GLP2R: variants seen among roughly 807,000 people sequenced by gnomAD.
GLP2R encodes the protein glucagon like peptide 2 receptor.
Under a neutral mutation model 68.2 loss-of-function variants are expected in GLP2R, and 59 were observed. That is an observed-to-expected ratio of 0.87 (90% CI 0.70 to 1.07). The LOEUF (loss-of-function observed/expected upper bound fraction) is 1.07. Among genes scored for constraint, GLP2R ranks in the 50% least tolerant of loss-of-function variants. The pLI is 0.00. For synonymous variants in GLP2R, 270 were observed against 265.4 expected, an observed-to-expected ratio of 1.02 and a Z score of -0.17; for missense variants, 548 against 677.4, an observed-to-expected ratio of 0.81 and a Z score of 2.12.
chr17:9,832,399 CCT>C (rs2066688723), intron 1 of GLP2R, among the ~76,000 whole-genome samples: 1 of 152,092 alleles, frequency 6.6e-6, no homozygotes, highest in Non-Finnish European at 1.5e-5. Flanking sequence ...GTGGTGAAAC[CCT>C]GTCTCTACTA....
In GLP2R at chr17:9,889,682, A is replaced by T; in HGVS notation, c.1639A>T (p.Ile547Phe). 6.3e-7 allele frequency: 1 copy of T among 1,580,886 alleles called. No homozygotes were observed. Among genetic ancestry groups the T allele is most frequent in the Non-Finnish European group, 8.6e-7 (1 of 1,160,236 alleles). Residue 547 changes from isoleucine (I) to phenylalanine (F), a missense_variant, in exon 13 of 13, where the codon ATT becomes TTT. Transcript: ENST00000262441. ...CACCATGGCCAACACCATGGAGGAG[A>T]TTCTGGAAGAGAGTGAGATCTAGGG... is the stretch of plus-strand genomic sequence containing the variant. ...DVTMANTMEEILEESEI is the reference protein window; with the variant it reads ...DVTMANTMEEFLEESEI
chr17:9,864,625 C>T (rs1340834264), intron 9 of GLP2R, among the ~76,000 whole-genome samples: 10 of 152,216 alleles, frequency 6.6e-5, no homozygotes, highest in Middle Eastern at 3.4e-3. Flanking sequence ...TGGGTTCAAG[C>T]GATTCTTGTG....
intron 9 of GLP2R, among the ~76,000 whole-genome samples, chr17:9,868,566 T>A (rs1327830122): frequency 2.0e-5 from 3 of 152,206 alleles, no homozygotes. Flanking sequence ...GCCCCTTTCC[T>A]GCTTGTGTGA....
chr17:9,833,902 T>C lies in GLP2R; in HGVS notation c.277+8T>C. The C allele has an allele frequency of 6.4e-7, 1 of 1,557,366 alleles. No individual in the cohort carries two copies. On this transcript the variant is annotated splice_region_variant and intron_variant, in intron 2 of 12. Coordinates refer to ENST00000262441, the MANE Select transcript of GLP2R (RefSeq NM_004246.3). ...TACTCAAGGAACCTTCTGGTAAGCATGTGTATTAGTTATCCGTGGCTGTGT... is the reference window on the plus strand; with the variant it reads ...TACTCAAGGAACCTTCTGGTAAGCACGTGTATTAGTTATCCGTGGCTGTGT...
intron 4 of GLP2R, among the ~76,000 whole-genome samples, chr17:9,847,299 C>T (rs912799108): frequency 3.3e-5 from 5 of 150,624 alleles, no homozygotes; most frequent in Non-Finnish European, 5.9e-5. Context: ...AACGGAGTTT[C>T]GCTCTTGTTG....
intron 8 of GLP2R, 106 bp from the exon 9 acceptor site, chr17:9,861,915 T>G: frequency 1.2e-6 from 1 of 808,124 alleles, no homozygotes; most frequent in Non-Finnish European, 2.2e-6. Context: ...TGGTGGGAAG[T>G]AGGGCTTGAG....
intron 12 of GLP2R, 88 bp from the exon 13 acceptor site, chr17:9,889,282 C>T: frequency 1.2e-6 from 1 of 841,400 alleles, no homozygotes; most frequent in Non-Finnish European, 1.9e-6. Context: ...AAGGGTGGCA[C>T]AGAGTAGCTA....
intron 9 of GLP2R, among the ~76,000 whole-genome samples, chr17:9,867,546 T>C (rs892982752): frequency 1.3e-5 from 2 of 152,220 alleles, no homozygotes; most frequent in African/African-American, 4.8e-5. Flanking sequence ...ATCTGAAATG[T>C]ACATTTAGAG....
chr17:9,833,907 A>G lies in GLP2R; in HGVS notation c.277+13A>G, dbSNP rs770900314. The G allele has an allele frequency of 1.3e-6, 2 of 1,540,714 alleles. No homozygotes were observed. The highest frequency in any genetic ancestry group is 1.8e-6 in the Non-Finnish European group (2 of 1,112,868). On this transcript the variant is annotated intron_variant, in intron 2 of 12. Transcript: ENST00000262441. ...AAGGAACCTTCTGGTAAGCATGTGT[A>G]TTAGTTATCCGTGGCTGTGTAACAA...
intron 2 of GLP2R, among the ~76,000 whole-genome samples, chr17:9,835,365 C>A (rs1171666641): frequency 6.6e-6 from 1 of 151,970 alleles, no homozygotes; most frequent in Non-Finnish European, 1.5e-5. Flanking sequence ...AAGTTTGGGA[C>A]CTAGTCTGAA....
In GLP2R at chr17:9,889,722, C is replaced by A; in HGVS notation, c.*17C>A. 6.8e-7 allele frequency: 1 copy of A among 1,471,370 alleles called. No homozygotes were observed. The highest frequency in any genetic ancestry group is 1.3e-5 in the South Asian group (1 of 77,952). The allele number at this position is 1,471,370 out of a possible 1,614,324, so 91.1% of individuals were successfully genotyped here. On this transcript the variant is annotated 3_prime_UTR_variant, in exon 13 of 13. Coordinates refer to ENST00000262441, the MANE Select transcript of GLP2R (RefSeq NM_004246.3). ...GAGATCTAGGGTGGAGTTCCACCAC[C>A]CTGGCTCTGCTCCCAGGGACTCTTG... is the stretch of plus-strand genomic sequence containing the variant.
In GLP2R at chr17:9,889,317, C is replaced by T. The variant is rs4791904; in HGVS notation, c.1327-53C>T. On this transcript the variant is annotated intron_variant, in intron 12 of 12. Transcript: ENST00000262441. ...ACTCAATTAATATTTGCTAAATGGA[C>T]ACATGGCTAAATGACTCCAAGACAG... 18,590 of 1,244,526 alleles carry T rather than the reference C, an allele frequency of 0.015. 1,694 individuals are homozygous for T. In the African/African-American group the frequency reaches 0.22, roughly 15 times the overall value. The allele number at this position is 1,244,526 out of a possible 1,614,324, so 77.1% of individuals were successfully genotyped here. A position where few individuals can be genotyped will look rare whatever the true frequency, so the allele number is the denominator to read the frequency against.
intron 9 of GLP2R, among the ~76,000 whole-genome samples, chr17:9,870,451 C>T (rs145592129): frequency 6.6e-6 from 1 of 152,268 alleles, no homozygotes; most frequent in Non-Finnish European, 1.5e-5. Context: ...AATGATGGGC[C>T]TCCTTAAGGC....
At chr17:9,887,024 T>C (rs146147940) in intron 11 of GLP2R, among the ~76,000 whole-genome samples, 4 of 152,268 alleles carry the variant, frequency 2.6e-5, no homozygotes, top group African/African-American at 7.2e-5. Flanking sequence ...TCACAGTGAC[T>C]ATCTGACAAA....
At chr17:9,829,339 T>G (rs1250606354) in intron 1 of GLP2R, among the ~76,000 whole-genome samples, 1 of 151,708 alleles carries the variant, frequency 6.6e-6, no homozygotes, top group Non-Finnish European at 1.5e-5. Context: ...TTTTTTTTTT[T>G]GGTGAGGGTA....
chr17:9,836,791 C>T (rs1343704337), intron 3 of GLP2R, among the ~76,000 whole-genome samples: 1 of 151,812 alleles, frequency 6.6e-6, no homozygotes. Context: ...AATCCAATTA[C>T]ACTCCTTAGT....
chr17:9,880,259 A>C, intron 10 of GLP2R, 119 bp from the exon 11 acceptor site: 1 of 666,532 alleles, frequency 1.5e-6, no homozygotes, highest in Non-Finnish European at 2.6e-6. Flanking sequence ...GAAGGAGACC[A>C]TCTGGGAAAC....
intron 11 of GLP2R, among the ~76,000 whole-genome samples, chr17:9,883,843 T>C (rs1415725558): frequency 6.6e-6 from 1 of 152,160 alleles, no homozygotes; most frequent in Non-Finnish European, 1.5e-5. Context: ...AACACCCCTT[T>C]CAAGAAATAT....
chr17:9,828,812 C>A (rs1031749178), intron 1 of GLP2R, among the ~76,000 whole-genome samples: 1 of 152,082 alleles, frequency 6.6e-6, no homozygotes, highest in Non-Finnish European at 1.5e-5. Flanking sequence ...ACACCTTGAC[C>A]CTTTCAGTCT....
Sources: allele counts gnomAD v4.1 joint callset (sites outside exome capture counted in the v4.1 genomes callset), GRCh38; gene constraint gnomAD v4.1.1; transcripts MANE v1.5; gene names NCBI Gene and HGNC (gene_info 2026-07-23, HGNC 2026-07-21).